CHD9: variants seen among roughly 807,000 people sequenced by gnomAD.
CHD9 encodes the protein ATP-dependent chromatin remodeler CHD9.
In CHD9, 77 loss-of-function variants were observed where a neutral mutation model predicts 316.1. The observed-to-expected ratio is 0.24, with a 90% CI of 0.20 to 0.29. The LOEUF (loss-of-function observed/expected upper bound fraction) is 0.29. Ranked by LOEUF, CHD9 falls within the 10% of genes least tolerant of loss-of-function variation. The pLI is 1.00. For synonymous variants in CHD9, 1,129 were observed against 1,158.3 expected (o/e 0.97, Z 0.51); for missense variants, 2,763 against 3,438.1 (o/e 0.80, Z 4.91).
At chr16:53,065,836 T>C (rs1288520777) in intron 1 of CHD9, among the ~76,000 whole-genome samples, 1 of 151,970 alleles carries the variant, frequency 6.6e-6, no homozygotes, top group African/African-American at 2.4e-5. Flanking sequence ...CTACCTATGA[T>C]TCCTTCAGCT....
intron 1 of CHD9, among the ~76,000 whole-genome samples, chr16:53,063,624 C>T (rs188158956): frequency 7.6e-4 from 116 of 152,114 alleles, no homozygotes; most frequent in Admixed American, 1.4e-3. Flanking sequence ...GCTCCGCCTT[C>T]GGGTTCACGC....
At chr16:53,312,492 C>G (rs932316638) in intron 34 of CHD9, among the ~76,000 whole-genome samples, 1 of 152,072 alleles carries the variant, frequency 6.6e-6, no homozygotes, top group African/African-American at 2.4e-5. Flanking sequence ...AAAAGAAGGG[C>G]AGGGAATAGC....
Position 53,254,700 on chromosome 16 carries a change from A to G in CHD9, c.4029+95A>G, listed in dbSNP as rs2050428828. On this transcript the variant is annotated intron_variant, in intron 18 of 38. Transcript: ENST00000447540. ...GTCATTTAGTTTTGGTCCATGCAGA[A>G]TACTAAACACATTTGTTTTCTGCAG... 1.2e-5 allele frequency: 13 copies of G among 1,086,188 alleles called. 1 individual carries two copies. In the South Asian group the frequency reaches 2.8e-4, roughly 23 times the overall value. The allele number at this position is 1,086,188 out of a possible 1,614,324, so 67.3% of individuals were successfully genotyped here.
intron 1 of CHD9, among the ~76,000 whole-genome samples, chr16:53,073,129 A>G (rs1344697235): frequency 6.6e-6 from 1 of 152,154 alleles, no homozygotes; most frequent in Non-Finnish European, 1.5e-5. Context: ...GTTAAACACT[A>G]ACTTTCTATT....
At chr16:53,067,995 T>C (rs1464046676) in intron 1 of CHD9, among the ~76,000 whole-genome samples, 1 of 152,090 alleles carries the variant, frequency 6.6e-6, no homozygotes, top group African/African-American at 2.4e-5. Flanking sequence ...GGAGGTCAAG[T>C]CTGCAGTGAG....
At chr16:53,155,882 C>G in intron 1 of CHD9, 44 bp from the exon 2 acceptor site, 1 of 539,640 alleles carries the variant, frequency 1.9e-6, no homozygotes, top group East Asian at 3.1e-5. Flanking sequence ...TAGCATGTAT[C>G]AGTACTTAAT....
chr16:53,245,647 A>T lies in CHD9; in HGVS notation c.3251A>T (p.Glu1084Val), dbSNP rs376579304. The change falls in exon 15 of 39, where the codon GAA (glutamate) becomes GTA (valine). Residue 1084 changes from glutamate (E) to valine (V), a missense_variant. By Grantham distance (121) the Glu-to-Val change is moderately radical. This residue lies in a region of CHD9 where 155 missense variants were observed against 291.8 expected (regional missense o/e 0.53). Coordinates refer to ENST00000447540, the MANE Select transcript of CHD9 (RefSeq NM_001308319.2). The surrounding 1 kb of genome is among the most constrained non-coding windows in gnomAD (Gnocchi z 4.1). The part of the protein sequence containing the change: ...LKPMMLRRLK[E>V]DVEKKLAPKE... ...CCAATGATGTTGAGACGATTAAAAG[A>T]AGATGTGGAAAAGAAGTTGGCACCT... 4.4e-6 allele frequency: 7 copies of T among 1,606,144 alleles called. No homozygotes were observed. Among genetic ancestry groups the T allele is most frequent in the Non-Finnish European group, 5.9e-6 (7 of 1,177,372 alleles).
At chr16:53,267,805 A>G in intron 21 of CHD9, 122 bp from the exon 22 acceptor site, 2 of 746,286 alleles carry the variant, frequency 2.7e-6, no homozygotes, top group Non-Finnish European at 4.3e-6. Context: ...ATGCATGGGT[A>G]GGGAAGACTT....
In CHD9 at chr16:53,255,720, C is replaced by G; in HGVS notation, c.4150C>G (p.Leu1384Val). Reference protein sequence around the residue: ...FCEEDIDQILLRRTKTITIES... With the variant: ...FCEEDIDQILVRRTKTITIES... ...CGAAGAGGATATCGATCAGATTTTA[C>G]TACGTCGTACAAAAACTATTACAAT... is the stretch of plus-strand genomic sequence containing the variant. The change falls in exon 19 of 39, where the codon CTA becomes GTA. Residue 1384 changes from leucine to valine, a missense_variant. Leu to Val is a conservative substitution (Grantham distance 32, BLOSUM62 1). Coordinates refer to ENST00000447540, the MANE Select transcript of CHD9 (RefSeq NM_001308319.2). 1 of 1,613,884 alleles carries G rather than the reference C, an allele frequency of 6.2e-7. No homozygotes were observed. The highest frequency in any genetic ancestry group is 8.5e-7 in the Non-Finnish European group (1 of 1,179,820).
Position 53,227,420 on chromosome 16 carries a change from G to A in CHD9, c.2068G>A (p.Ala690Thr). The A allele has an allele frequency of 1.9e-6, 3 of 1,570,844 alleles. No homozygotes were observed. The highest frequency in any genetic ancestry group is 1.9e-5 in the Admixed American group (1 of 53,422). Residue 690 changes from alanine (A) to threonine (T), a missense_variant, in exon 6 of 39, where the codon GCA (alanine) becomes ACA (threonine). Coordinates refer to ENST00000447540, the MANE Select transcript of CHD9 (RefSeq NM_001308319.2). Reference sequence around the variant, plus strand: ...GGAGAATCCGAGTGAAGAAGATGCTGCAATTGTAGACAAAATTCTATCTTC... The same window carrying A: ...GGAGAATCCGAGTGAAGAAGATGCTACAATTGTAGACAAAATTCTATCTTC... ...FVENPSEEDA[A>T]IVDKILSSRT...
At chr16:53,124,354 A>G (rs1351420530) in intron 1 of CHD9, among the ~76,000 whole-genome samples, 1 of 152,074 alleles carries the variant, frequency 6.6e-6, no homozygotes, top group Admixed American at 6.6e-5. Flanking sequence ...CCTCACAATC[A>G]TGGCAGAAGG....
intron 1 of CHD9, among the ~76,000 whole-genome samples, chr16:53,106,293 C>A (rs1253956153): frequency 1.3e-5 from 2 of 152,134 alleles, no homozygotes; most frequent in Non-Finnish European, 2.9e-5. Flanking sequence ...TGTGTTCTGA[C>A]CTTGAAGCCA....
chr16:53,136,699 T>C (rs1018830563), intron 1 of CHD9, among the ~76,000 whole-genome samples: 1 of 152,196 alleles, frequency 6.6e-6, no homozygotes, highest in Non-Finnish European at 1.5e-5. Flanking sequence ...GTTTCATAAT[T>C]TAGTGAATTC....
intron 1 of CHD9, among the ~76,000 whole-genome samples, chr16:53,075,789 G>T (rs2034473512): frequency 6.6e-6 from 1 of 152,176 alleles, no homozygotes; most frequent in Admixed American, 6.5e-5. Context: ...GCATGAAAAT[G>T]GACTAATACA....
At chr16:53,206,379 C>T in intron 2 of CHD9, among the ~76,000 whole-genome samples, 1 of 150,138 alleles carries the variant, frequency 6.7e-6, no homozygotes, top group Non-Finnish European at 1.5e-5. Flanking sequence ...AAAAAACCAT[C>T]CTAGCCTTAT....
At position 53,303,720 on chromosome 16, in the gene CHD9, A is replaced by G. The variant is rs746992006; in HGVS notation, c.5714A>G (p.Glu1905Gly). ...RRVCRLPSKE[E>G]LVDPNIFIQP... is the part of the protein sequence containing the mutation. Reference sequence around the variant, plus strand: ...TTTTTGTCCTTGTTTCAATATGTAGAATTGGTGGATCCAAATATTTTTATC... The same window carrying G: ...TTTTTGTCCTTGTTTCAATATGTAGGATTGGTGGATCCAAATATTTTTATC... Residue 1905 changes from glutamate (E) to glycine (G), a missense_variant and splice_region_variant, in exon 31 of 39, where the codon GAA (glutamate) becomes GGA (glycine). Transcript: ENST00000447540. 3 of 1,589,110 alleles carry G rather than the reference A, an allele frequency of 1.9e-6. No individual in the cohort carries two copies. In the East Asian group the frequency reaches 6.7e-5, roughly 36 times the overall value.
chr16:53,292,650 C>A (rs563986320), intron 28 of CHD9, among the ~76,000 whole-genome samples, 183 bp from the exon 29 acceptor site: 153 of 152,274 alleles, frequency 1.0e-3, no homozygotes, highest in Non-Finnish European at 1.9e-3. Context: ...CTACTTTGAA[C>A]TGCTCTTAAA....
intron 1 of CHD9, among the ~76,000 whole-genome samples, chr16:53,109,206 T>G (rs1319600957): frequency 6.6e-6 from 1 of 151,196 alleles, no homozygotes; most frequent in Non-Finnish European, 1.5e-5. Flanking sequence ...CTGAGGTGCA[T>G]GGGGGCACAG....
chr16:53,111,956 A>G (rs1173827821), intron 1 of CHD9, among the ~76,000 whole-genome samples: 1 of 152,194 alleles, frequency 6.6e-6, no homozygotes, highest in Non-Finnish European at 1.5e-5. Flanking sequence ...TGCAGAGAAG[A>G]TATCTTTGTC....
Sources: allele counts gnomAD v4.1 joint callset (sites outside exome capture counted in the v4.1 genomes callset), GRCh38; gene constraint gnomAD v4.1.1; regional missense constraint gnomAD v4.1.1; non-coding constraint Gnocchi (gnomAD v3.1); transcripts MANE v1.5; gene names NCBI Gene and HGNC (gene_info 2026-07-23, HGNC 2026-07-21).